Variants in RCAN2 observed in about 807,000 individuals in gnomAD.
The protein encoded by RCAN2 is calcipressin-2.
In RCAN2, 9 loss-of-function variants were observed where a neutral mutation model predicts 23.6. The observed-to-expected ratio is 0.38, with a 90% CI of 0.23 to 0.67. The LOEUF is 0.67. Among genes scored for constraint, RCAN2 ranks in the 30% least tolerant of loss-of-function variants. The pLI, the probability that RCAN2 is intolerant of heterozygous loss-of-function variation, is 0.51. For missense variants in RCAN2, 273 were observed against 302.3 expected, an observed-to-expected ratio of 0.90 and a Z score of 0.72; for synonymous variants, 109 against 115.7, an observed-to-expected ratio of 0.94 and a Z score of 0.37.
intron 2 of RCAN2, among the ~76,000 whole-genome samples, chr6:46,332,807 C>A (rs1764023173): frequency 6.6e-6 from 1 of 152,138 alleles, no homozygotes; most frequent in Non-Finnish European, 1.5e-5. Flanking sequence ...GATTTATAGT[C>A]CTTTGGGTAT....
At chr6:46,472,417 A>T (rs187191755) in intron 1 of RCAN2, among the ~76,000 whole-genome samples, 128 of 152,306 alleles carry the variant, frequency 8.4e-4, no homozygotes, top group Non-Finnish European at 1.3e-3. Context: ...CCCAACTAAG[A>T]CTAATAAAGT....
At chr6:46,405,672 C>A (rs1766377817) in intron 2 of RCAN2, among the ~76,000 whole-genome samples, 1 of 152,192 alleles carries the variant, frequency 6.6e-6, no homozygotes, top group Non-Finnish European at 1.5e-5. Flanking sequence ...ACTCCATGTC[C>A]CCACCAGACT....
intron 2 of RCAN2, among the ~76,000 whole-genome samples, chr6:46,387,329 G>A (rs1765784489): frequency 3.3e-5 from 5 of 152,064 alleles, no homozygotes; most frequent in African/African-American, 9.7e-5. Flanking sequence ...TACAGAATGG[G>A]AGAAAATTTT....
intron 2 of RCAN2, among the ~76,000 whole-genome samples, chr6:46,297,592 A>T (rs535991239): frequency 6.6e-6 from 1 of 152,238 alleles, no homozygotes; most frequent in South Asian, 2.1e-4. Flanking sequence ...CACAGAACAC[A>T]TATTTTCTTC....
At chr6:46,372,159 T>C (rs956460377) in intron 2 of RCAN2, among the ~76,000 whole-genome samples, 1 of 152,176 alleles carries the variant, frequency 6.6e-6, no homozygotes, top group African/African-American at 2.4e-5. Flanking sequence ...TGGTGTTTCT[T>C]ATTAACCATG....
At chr6:46,455,413 A>G (rs565704358) in intron 2 of RCAN2, among the ~76,000 whole-genome samples, 4 of 152,318 alleles carry the variant, frequency 2.6e-5, no homozygotes, top group Admixed American at 6.5e-5. Flanking sequence ...AGGATTGTCT[A>G]CAAAATCAAT....
At chr6:46,282,331 A>C (rs1293574445) in intron 2 of RCAN2, among the ~76,000 whole-genome samples, 1 of 151,794 alleles carries the variant, frequency 6.6e-6, no homozygotes, top group Non-Finnish European at 1.5e-5. Flanking sequence ...AGATCACGAG[A>C]TCGGGAGATC....
At chr6:46,347,459 AT>A (rs1253588214) in intron 2 of RCAN2, among the ~76,000 whole-genome samples, 4 of 152,180 alleles carry the variant, frequency 2.6e-5, no homozygotes, top group Non-Finnish European at 4.4e-5. Flanking sequence ...GTATAAGAAA[AT>A]TCTTCAGATT....
chr6:46,302,194 C>T (rs1350384865), intron 2 of RCAN2, among the ~76,000 whole-genome samples: 1 of 152,006 alleles, frequency 6.6e-6, no homozygotes, highest in Non-Finnish European at 1.5e-5. Flanking sequence ...GAAGAATGCT[C>T]CATCTGTGGC....
chr6:46,417,457 G>T (rs1013653169), intron 2 of RCAN2, among the ~76,000 whole-genome samples: 2 of 152,130 alleles, frequency 1.3e-5, no homozygotes, highest in Admixed American at 6.5e-5. Context: ...TTATGATAAT[G>T]AACTCAGATT....
intron 1 of RCAN2, among the ~76,000 whole-genome samples, chr6:46,467,546 A>G (rs1218352948): frequency 6.6e-6 from 1 of 152,146 alleles, no homozygotes; most frequent in African/African-American, 2.4e-5. Flanking sequence ...TCTCTTTCCT[A>G]GAGTCATGGG....
intron 2 of RCAN2, among the ~76,000 whole-genome samples, chr6:46,280,419 A>C (rs1391029452): frequency 6.6e-6 from 1 of 151,786 alleles, no homozygotes; most frequent in Non-Finnish European, 1.5e-5. Context: ...AACGGTTAAA[A>C]GGATCTTTGC....
intron 1 of RCAN2, among the ~76,000 whole-genome samples, chr6:46,487,245 G>A (rs573452878): frequency 2.0e-5 from 3 of 152,306 alleles, no homozygotes; most frequent in South Asian, 4.2e-4. Context: ...CTGTGTTGTG[G>A]AATGTTGACG....
rs1425849177 is a variant in RCAN2, at chr6:46,416,734, C to T, written c.225+40018G>A. Among the ~76,000 whole-genome samples the T allele has an allele frequency of 2.0e-5, 3 of 151,524 alleles. No individual in the cohort carries two copies. The East Asian group carries it at 5.8e-4, about 29-fold the overall frequency. On this transcript the variant is annotated intron_variant, in intron 2 of 4. Transcript: ENST00000371374. ...ATGGGGTTTCATCATGTTGCCCAGG[C>T]TGGTCTCGAACTCCTGGGCTCAAGC...
chr6:46,456,576 T>A (rs953610435), intron 2 of RCAN2, among the ~76,000 whole-genome samples, 176 bp downstream of exon 2: 6 of 152,156 alleles, frequency 3.9e-5, no homozygotes, highest in African/African-American at 1.4e-4. Flanking sequence ...GTCAGATGTA[T>A]CTCTAAAGTT....
intron 2 of RCAN2, among the ~76,000 whole-genome samples, chr6:46,389,691 C>T (rs1231242179): frequency 2.6e-5 from 4 of 152,168 alleles, no homozygotes; most frequent in Admixed American, 6.5e-5. Flanking sequence ...AAAATAAAGT[C>T]GTAGAGGCCT....
chr6:46,283,467 T>G (rs1372920645), intron 2 of RCAN2, among the ~76,000 whole-genome samples: 2 of 152,034 alleles, frequency 1.3e-5, no homozygotes, highest in Non-Finnish European at 2.9e-5. Flanking sequence ...AATCCAACCA[T>G]ATTTCAAGAA....
intron 2 of RCAN2, 69 bp downstream of exon 2, chr6:46,456,683 G>T: frequency 8.4e-7 from 1 of 1,193,288 alleles, no homozygotes; most frequent in Non-Finnish European, 1.2e-6. Context: ...AACCACAAAT[G>T]AACAACAGGA....
intron 2 of RCAN2, among the ~76,000 whole-genome samples, chr6:46,330,751 C>A (rs1329746965): frequency 6.6e-6 from 1 of 152,128 alleles, no homozygotes; most frequent in Non-Finnish European, 1.5e-5. Context: ...TCCTCCATTT[C>A]TTTTTCTAAT....
Sources: allele counts gnomAD v4.1 joint callset (sites outside exome capture counted in the v4.1 genomes callset), GRCh38; gene constraint gnomAD v4.1.1; transcripts MANE v1.5; gene names NCBI Gene and HGNC (gene_info 2026-07-23, HGNC 2026-07-21).